UBASH3B: variants seen among roughly 807,000 people sequenced by gnomAD.
UBASH3B encodes the protein ubiquitin associated and SH3 domain containing B.
Under a neutral mutation model 83.4 loss-of-function variants are expected in UBASH3B, and 37 were observed. The observed-to-expected ratio is 0.44, with a 90% CI of 0.34 to 0.58. UBASH3B has a LOEUF of 0.58. UBASH3B is among the 20% of genes least tolerant of loss of function. UBASH3B has a pLI of 0.01. For missense variants in UBASH3B, 657 were observed against 827.2 expected, an observed-to-expected ratio of 0.79 and a Z score of 2.52; for synonymous variants, 304 against 318.3, an observed-to-expected ratio of 0.96 and a Z score of 0.48.
intron 1 of UBASH3B, among the ~76,000 whole-genome samples, chr11:122,741,896 C>G (rs1349814984): frequency 6.6e-6 from 1 of 152,156 alleles, no homozygotes; most frequent in African/African-American, 2.4e-5. Context: ...TTCACTCAAC[C>G]CCAAGCAGTC....
At chr11:122,685,028 G>C (rs181486767) in intron 1 of UBASH3B, among the ~76,000 whole-genome samples, 3 of 151,978 alleles carry the variant, frequency 2.0e-5, no homozygotes, top group Admixed American at 1.3e-4. Context: ...ATATCTTCAC[G>C]GGCCGCGGGT....
At chr11:122,734,331 A>G (rs1328123202) in intron 1 of UBASH3B, among the ~76,000 whole-genome samples, 1 of 152,260 alleles carries the variant, frequency 6.6e-6, no homozygotes, top group Non-Finnish European at 1.5e-5. Flanking sequence ...AGAGCTTGAC[A>G]TGGCTGAGCC....
intron 4 of UBASH3B, 57 bp downstream of exon 4, chr11:122,779,752 G>A: frequency 6.2e-7 from 1 of 1,600,002 alleles, no homozygotes. Context: ...AGTTGGAAAG[G>A]AAAAAGGATA....
chr11:122,807,724 A>T (rs2135193108), intron 12 of UBASH3B, among the ~76,000 whole-genome samples: 1 of 151,928 alleles, frequency 6.6e-6, no homozygotes, highest in South Asian at 2.1e-4. Flanking sequence ...CTAATTTTTT[A>T]AAAATTTTCT....
intron 1 of UBASH3B, 85 bp from the exon 2 acceptor site, chr11:122,776,134 G>A (rs1193765582): frequency 1.6e-6 from 2 of 1,257,202 alleles, no homozygotes; most frequent in Non-Finnish European, 2.3e-6. Context: ...AGGCTTTGAT[G>A]TCGCCTCCTT....
chr11:122,755,694 C>T (rs1861271808), intron 1 of UBASH3B, among the ~76,000 whole-genome samples: 1 of 152,180 alleles, frequency 6.6e-6, no homozygotes, highest in Admixed American at 6.5e-5. Flanking sequence ...ATTTCGGATC[C>T]TCCTCTGAAC....
intron 8 of UBASH3B, 59 bp from the exon 9 acceptor site, chr11:122,796,852 G>A (rs1250048005): frequency 9.3e-6 from 15 of 1,612,446 alleles, no homozygotes; most frequent in Admixed American, 3.3e-5. Context: ...GGATCAGTAA[G>A]GGAGTCCCAA....
At chr11:122,706,067 AT>A (rs1313741899) in intron 1 of UBASH3B, among the ~76,000 whole-genome samples, 1 of 149,098 alleles carries the variant, frequency 6.7e-6, no homozygotes, top group Non-Finnish European at 1.5e-5. Flanking sequence ...AAGCCAAAAA[AT>A]TCCTTCTTTA....
chr11:122,710,189 AT>A (rs1864173839), intron 1 of UBASH3B, among the ~76,000 whole-genome samples: 2 of 150,572 alleles, frequency 1.3e-5, no homozygotes, highest in African/African-American at 2.4e-5. Flanking sequence ...TGAATCATGG[AT>A]TTAAGATAAT....
intron 1 of UBASH3B, among the ~76,000 whole-genome samples, chr11:122,699,076 C>T (rs1393107795): frequency 6.6e-6 from 1 of 152,220 alleles, no homozygotes. Flanking sequence ...TCTCGAACTC[C>T]TGACCTCAGG....
intron 1 of UBASH3B, among the ~76,000 whole-genome samples, chr11:122,766,502 G>A (rs1360214604): frequency 6.6e-6 from 1 of 152,132 alleles, no homozygotes; most frequent in East Asian, 1.9e-4. Flanking sequence ...CCGAGATCGC[G>A]CCACTGCACT....
chr11:122,727,762 G>A (rs1024883003), intron 1 of UBASH3B, among the ~76,000 whole-genome samples: 5 of 152,182 alleles, frequency 3.3e-5, no homozygotes, highest in Non-Finnish European at 7.3e-5. Flanking sequence ...CGTGGACTTG[G>A]CAATGCGGAA....
chr11:122,736,151 A>G (rs1236051916), intron 1 of UBASH3B, among the ~76,000 whole-genome samples: 1 of 152,064 alleles, frequency 6.6e-6, no homozygotes, highest in Non-Finnish European at 1.5e-5. Flanking sequence ...GCAGAGAAAG[A>G]TAGAGAAGTC....
chr11:122,767,647 G>A (rs1320191283), intron 1 of UBASH3B, among the ~76,000 whole-genome samples: 9 of 152,160 alleles, frequency 5.9e-5, no homozygotes, highest in Non-Finnish European at 1.3e-4. Flanking sequence ...GAATGCTATC[G>A]GTTAACTAAG....
chr11:122,808,277 G>A (rs1861377827), intron 13 of UBASH3B, 101 bp downstream of exon 13: 2 of 940,926 alleles, frequency 2.1e-6, no homozygotes, highest in Non-Finnish European at 3.5e-6. Context: ...TGTTTATGCT[G>A]AGCTGGGAAT....
At chr11:122,725,852 C>A (rs1483926506) in intron 1 of UBASH3B, among the ~76,000 whole-genome samples, 1 of 151,954 alleles carries the variant, frequency 6.6e-6, no homozygotes, top group Non-Finnish European at 1.5e-5. Flanking sequence ...CACCACCACG[C>A]CGGCCAATTT....
chr11:122,804,795 C>T (rs991212642), intron 11 of UBASH3B, among the ~76,000 whole-genome samples: 2 of 152,202 alleles, frequency 1.3e-5, no homozygotes, highest in Admixed American at 6.5e-5. Context: ...AGGCACTAAA[C>T]ACCCAGCAGT....
intron 1 of UBASH3B, among the ~76,000 whole-genome samples, chr11:122,668,683 C>T (rs1056344485): frequency 2.0e-5 from 3 of 152,124 alleles, no homozygotes; most frequent in East Asian, 3.9e-4. Context: ...TGGTTTTGAA[C>T]GTTATTTCTA....
intron 1 of UBASH3B, among the ~76,000 whole-genome samples, chr11:122,722,710 C>CTT (rs35917085): frequency 0.022 from 3,164 of 146,432 alleles, 67 homozygotes; most frequent in Middle Eastern, 0.043. Context: ...TCTGGTATTT[C>CTT]TTTTTTTTTT....
Sources: gnomAD v4.1 joint callset for allele counts (sites outside exome capture counted in the v4.1 genomes callset) on GRCh38, gnomAD v4.1.1 for gene constraint, MANE v1.5 for transcripts, NCBI Gene and HGNC (gene_info 2026-07-23, HGNC 2026-07-21) for gene names.